SHISA6: variants seen among roughly 807,000 people sequenced by gnomAD.
The protein encoded by SHISA6 is shisa family member 6.
Under a neutral mutation model 47.9 loss-of-function variants are expected in SHISA6, and 22 were observed. That is an observed-to-expected ratio of 0.46 (90% CI 0.33 to 0.66). The LOEUF (loss-of-function observed/expected upper bound fraction) is 0.66. SHISA6 is among the 30% of genes least tolerant of loss of function. SHISA6 has a pLI of 0.02. For synonymous variants in SHISA6, 388 were observed against 337.8 expected (o/e 1.15, Z -1.63); for missense variants, 680 against 764.6 (o/e 0.89, Z 1.30).
intron 2 of SHISA6, among the ~76,000 whole-genome samples, chr17:11,358,172 T>C (rs1912135130): frequency 6.6e-6 from 1 of 152,186 alleles, no homozygotes; most frequent in African/African-American, 2.4e-5. Context: ...TCTGTGCCCA[T>C]TAGACAACAG....
intron 3 of SHISA6, among the ~76,000 whole-genome samples, chr17:11,403,222 T>C (rs1913839773): frequency 6.6e-6 from 1 of 152,204 alleles, no homozygotes; most frequent in African/African-American, 2.4e-5. Flanking sequence ...ACTCAAGTTT[T>C]TAGGGAGTAA....
At chr17:11,539,849 GC>G (rs1431621514) in intron 3 of SHISA6, among the ~76,000 whole-genome samples, 1 of 152,206 alleles carries the variant, frequency 6.6e-6, no homozygotes, top group Non-Finnish European at 1.5e-5. Context: ...CTGTGCCAAA[GC>G]CCAGGACTCA....
At chr17:11,442,815 C>T (rs1256834204) in intron 3 of SHISA6, among the ~76,000 whole-genome samples, 1 of 152,118 alleles carries the variant, frequency 6.6e-6, no homozygotes, top group Non-Finnish European at 1.5e-5. Context: ...ACAGTATAGG[C>T]AGTGCAGTGA....
At chr17:11,439,340 GCAGTTGTCACAGGGGC>G (rs1915038372) in intron 3 of SHISA6, among the ~76,000 whole-genome samples, 1 of 152,144 alleles carries the variant, frequency 6.6e-6, no homozygotes, top group Non-Finnish European at 1.5e-5. Flanking sequence ...CGGGTGGGGG[GCAGTTGTCACAGGGGC>G]CAGCCTTCTG....
At chr17:11,308,599 C>T (rs1350387431) in intron 2 of SHISA6, among the ~76,000 whole-genome samples, 1 of 152,156 alleles carries the variant, frequency 6.6e-6, no homozygotes, top group Non-Finnish European at 1.5e-5. Flanking sequence ...CTAAGCCCTC[C>T]TCATTTCACA....
At chr17:11,523,072 C>T (rs1209659049) in intron 3 of SHISA6, among the ~76,000 whole-genome samples, 1 of 152,152 alleles carries the variant, frequency 6.6e-6, no homozygotes, top group African/African-American at 2.4e-5. Context: ...AGTCTTGTTT[C>T]ATCCAGGATA....
chr17:11,543,800 G>C (rs2071854340), intron 3 of SHISA6, among the ~76,000 whole-genome samples: 1 of 150,866 alleles, frequency 6.6e-6, no homozygotes, highest in Non-Finnish European at 1.5e-5. Flanking sequence ...TCAGAAATAG[G>C]CCCATGCAAA....
chr17:11,361,963 C>T (rs940358970), intron 2 of SHISA6, among the ~76,000 whole-genome samples: 1 of 152,142 alleles, frequency 6.6e-6, no homozygotes, highest in Non-Finnish European at 1.5e-5. Flanking sequence ...CCTTTTTCCT[C>T]TCTGTTTCAT....
intron 2 of SHISA6, among the ~76,000 whole-genome samples, chr17:11,268,292 A>G (rs970844985): frequency 2.6e-5 from 4 of 152,100 alleles, no homozygotes; most frequent in African/African-American, 9.7e-5. Context: ...TGACTCTCTA[A>G]GCTTCATGGA....
At chr17:11,410,577 A>G (rs548183693) in intron 3 of SHISA6, among the ~76,000 whole-genome samples, 1 of 152,312 alleles carries the variant, frequency 6.6e-6, no homozygotes, top group South Asian at 2.1e-4. Flanking sequence ...GATCACACTG[A>G]TAAGCTGCCC....
At chr17:11,313,838 A>T (rs976669725) in intron 2 of SHISA6, among the ~76,000 whole-genome samples, 1 of 152,188 alleles carries the variant, frequency 6.6e-6, no homozygotes, top group African/African-American at 2.4e-5. Flanking sequence ...GATGAGTAAG[A>T]TGAAGACGGA....
intron 3 of SHISA6, among the ~76,000 whole-genome samples, chr17:11,540,432 C>G (rs111971560): frequency 1.3e-5 from 2 of 152,086 alleles, no homozygotes; most frequent in Non-Finnish European, 2.9e-5. Context: ...ATCAGAGGAC[C>G]CTGTGTACAC....
chr17:11,284,081 C>T (rs1431507956), intron 2 of SHISA6, among the ~76,000 whole-genome samples: 1 of 152,144 alleles, frequency 6.6e-6, no homozygotes, highest in African/African-American at 2.4e-5. Context: ...GACATACACA[C>T]ATTTACATGC....
chr17:11,263,040 C>A (rs1011214742), intron 1 of SHISA6, among the ~76,000 whole-genome samples: 3 of 152,156 alleles, frequency 2.0e-5, no homozygotes, highest in Non-Finnish European at 4.4e-5. Context: ...ATTCCACTGG[C>A]CAGCTGCTAT....
chr17:11,465,823 G>A (rs905917334), intron 3 of SHISA6, among the ~76,000 whole-genome samples: 1 of 152,164 alleles, frequency 6.6e-6, no homozygotes, highest in African/African-American at 2.4e-5. Context: ...TCTGTCCCGG[G>A]AGCCGTGGCG....
rs1327062066 is a variant in SHISA6, at chr17:11,559,375, AC to A, written c.*1073del. ...CAGGGCTCCACCTGTTCCCACATGCACCTCCGGCAGGACCTAGACAGAAGTT... is the reference window on the plus strand; with the variant it reads ...CAGGGCTCCACCTGTTCCCACATGCACTCCGGCAGGACCTAGACAGAAGTT... On this transcript the variant is annotated 3_prime_UTR_variant, in exon 6 of 6. Coordinates refer to ENST00000441885, the MANE Select transcript of SHISA6 (RefSeq NM_207386.4). The surrounding 1 kb of genome is among the most constrained non-coding windows in gnomAD (Gnocchi z 4.4). The A allele has an allele frequency of 6.6e-6, 1 of 152,174 alleles. No individual in the cohort carries two copies. The highest frequency in any genetic ancestry group is 1.5e-5 in the Non-Finnish European group (1 of 68,106). 9.4% of individuals were successfully genotyped at this position (152,174 alleles called of 1,614,324 possible).
In SHISA6 at chr17:11,241,806, C is replaced by T. The variant is rs772360328; in HGVS notation, c.384C>T (p.Phe128=). 4.5e-6 allele frequency: 7 copies of T among 1,550,714 alleles called. No individual in the cohort carries two copies. The South Asian group carries it at 7.1e-5, about 16-fold the overall frequency. ...GCTGCGGTACCTGCTACTACCGCTT[C>T]TGCTGCAAGAAGCGCCACGAGAAGC... The part of the protein sequence containing the change: ...LYCCGTCYYR[F]CCKKRHEKLD... The change falls in exon 1 of 6, where the codon TTC becomes TTT. Residue 128 remains phenylalanine, a synonymous_variant. Transcript: ENST00000441885. This position sits in a 1 kb window ranked among gnomAD's most constrained non-coding sequence, Gnocchi z 5.5.
At chr17:11,259,379 A>T (rs1908141202) in intron 1 of SHISA6, among the ~76,000 whole-genome samples, 1 of 152,224 alleles carries the variant, frequency 6.6e-6, no homozygotes, top group African/African-American at 2.4e-5. Context: ...ATTCTGAGAA[A>T]TATATGATCC....
At chr17:11,262,692 G>T (rs556818825) in intron 1 of SHISA6, among the ~76,000 whole-genome samples, 1 of 152,172 alleles carries the variant, frequency 6.6e-6, no homozygotes, top group African/African-American at 2.4e-5. Context: ...GCAGGGGGGC[G>T]GGTCTCTCCT....
Sources: allele counts gnomAD v4.1 joint callset (sites outside exome capture counted in the v4.1 genomes callset), GRCh38; gene constraint gnomAD v4.1.1; non-coding constraint Gnocchi (gnomAD v3.1); transcripts MANE v1.5; gene names NCBI Gene and HGNC (gene_info 2026-07-23, HGNC 2026-07-21).